Variants in FER observed in about 807,000 individuals in gnomAD.
FER encodes the protein tyrosine-protein kinase Fer.
FER carries 63 observed loss-of-function variants against 111.0 expected under a neutral mutation model. That is an observed-to-expected ratio of 0.57 (90% CI 0.46 to 0.70). The LOEUF (loss-of-function observed/expected upper bound fraction) is 0.70, where lower values mean the gene tolerates loss of function less well. FER is among the 30% of genes least tolerant of loss of function. FER has a pLI of 0.00. For synonymous variants in FER, 327 were observed against 313.9 expected (o/e 1.04, Z -0.44); for missense variants, 914 against 954.0 (o/e 0.96, Z 0.55).
intron 16 of FER, among the ~76,000 whole-genome samples, 177 bp downstream of exon 16, chr5:109,047,375 C>T (rs952003487): frequency 2.6e-5 from 4 of 152,164 alleles, no homozygotes; most frequent in Non-Finnish European, 5.9e-5. Flanking sequence ...TAACACTTTA[C>T]TATTTTCTAG....
Position 108,954,740 on chromosome 5 carries a change from G to A in FER, c.1341G>A (p.Met447Ile). 3 of 1,566,718 alleles carry A rather than the reference G, an allele frequency of 1.9e-6. No homozygotes were observed. The highest frequency in any genetic ancestry group is 2.3e-5 in the East Asian group (1 of 43,516). ...SALGSSALSD[M>I]ISISEKPLAE... ...AATATTTGTTTAAGCTTTCTGATAT[G>A]ATCTCCATCAGTGAGAAGCCTTTGG... Residue 447 changes from methionine to isoleucine, a missense_variant, in exon 12 of 20, where the codon ATG (methionine) becomes ATA (isoleucine). By Grantham distance (10) the Met-to-Ile change is conservative. This residue lies in a region of FER where 774 missense variants were observed against 782.6 expected (regional missense o/e 0.99). Coordinates refer to ENST00000281092, the MANE Select transcript of FER (RefSeq NM_005246.4).
intron 13 of FER, among the ~76,000 whole-genome samples, chr5:108,981,970 C>G (rs1762057119): frequency 6.6e-6 from 1 of 152,142 alleles, no homozygotes; most frequent in Admixed American, 6.6e-5. Context: ...TTAAGGACCA[C>G]TGACACTGGG....
chr5:108,979,584 T>C (rs530001326), intron 13 of FER, among the ~76,000 whole-genome samples: 21 of 152,254 alleles, frequency 1.4e-4, no homozygotes, highest in African/African-American at 5.1e-4. Context: ...TATTAAAATA[T>C]CCATTTGCTA....
chr5:109,014,903 C>T (rs552652975), intron 13 of FER: 18 of 152,292 alleles, frequency 1.2e-4, no homozygotes, highest in African/African-American at 3.6e-4. Flanking sequence ...TTCCCTGTAT[C>T]GTTCCAATTT....
chr5:108,916,099 A>G (rs1463543679), intron 10 of FER, among the ~76,000 whole-genome samples: 2 of 152,210 alleles, frequency 1.3e-5, no homozygotes, highest in African/African-American at 4.8e-5. Context: ...TTCATAGACA[A>G]AAGGCATTGA....
At chr5:108,987,890 T>C (rs1411173992) in intron 13 of FER, among the ~76,000 whole-genome samples, 5 of 152,290 alleles carry the variant, frequency 3.3e-5, no homozygotes, top group African/African-American at 1.2e-4. Context: ...GAGGGAATGC[T>C]TTCAACTTTT....
At position 109,107,216 on chromosome 5, in the gene FER, G is replaced by T. The variant is rs371212192; in HGVS notation, c.2048+6697G>T. ...TTACAATAAGTACATTTTGGATTCA[G>T]AATGTCAAAAAAGTGATCTTTTACA... On this transcript the variant is annotated intron_variant, in intron 17 of 19. Coordinates refer to ENST00000281092, the MANE Select transcript of FER (RefSeq NM_005246.4). 1.9e-4 allele frequency among the ~76,000 whole-genome samples: 29 copies of T among 152,216 alleles called. No individual in the cohort carries two copies. The South Asian group carries it at 5.2e-3, about 27-fold the overall frequency.
intron 9 of FER, among the ~76,000 whole-genome samples, chr5:108,889,262 T>G (rs1747651469): frequency 6.6e-6 from 1 of 151,882 alleles, no homozygotes; most frequent in Admixed American, 6.6e-5. Context: ...TACACTCCCA[T>G]GTTTATTGCA....
intron 16 of FER, chr5:109,051,190 C>A (rs1436525352): frequency 4.3e-5 from 30 of 699,594 alleles, no homozygotes; most frequent in Non-Finnish European, 7.7e-5. Context: ...TTTTCTAAGC[C>A]TCATGAATAA....
Position 108,832,914 on chromosome 5 carries a change from C to A in FER, c.352C>A (p.His118Asn). The change falls in exon 4 of 20, where the codon CAT becomes AAT. Residue 118 changes from histidine (H) to asparagine (N), a missense_variant. His to Asn is a moderately conservative substitution (Grantham distance 68). Coordinates refer to ENST00000281092, the MANE Select transcript of FER (RefSeq NM_005246.4). ...QQVKKSYIGV[H>N]QQIEAEMIKV... ...GGTGAAGAAAAGTTACATAGGTGTT[C>A]ATCAGCAGATAGAGGCAGAGATGAT... 1 of 1,597,654 alleles carries A rather than the reference C, an allele frequency of 6.3e-7. No individual in the cohort carries two copies. The highest frequency in any genetic ancestry group is 1.1e-5 in the South Asian group (1 of 87,558).
intron 2 of FER, among the ~76,000 whole-genome samples, chr5:108,776,656 CTG>C (rs1753531090): frequency 6.6e-6 from 1 of 152,064 alleles, no homozygotes; most frequent in Non-Finnish European, 1.5e-5. Flanking sequence ...TGTTTAAAAA[CTG>C]TGTATTTATA....
chr5:108,961,449 G>T (rs1188050617), intron 13 of FER, among the ~76,000 whole-genome samples: 1 of 152,028 alleles, frequency 6.6e-6, no homozygotes, highest in Non-Finnish European at 1.5e-5. Context: ...CTATTACATG[G>T]TTAATTATTG....
chr5:109,087,668 C>T (rs1456154241), intron 16 of FER, among the ~76,000 whole-genome samples: 1 of 147,830 alleles, frequency 6.8e-6, no homozygotes, highest in Non-Finnish European at 1.5e-5. Flanking sequence ...GTTTCCAATC[C>T]TCGGTGCACT....
intron 2 of FER, among the ~76,000 whole-genome samples, chr5:108,769,842 T>C (rs1221527290): frequency 1.3e-5 from 2 of 152,186 alleles, no homozygotes; most frequent in Non-Finnish European, 2.9e-5. Context: ...CACTTAGCTA[T>C]AGTGCTAGAA....
intron 5 of FER, among the ~76,000 whole-genome samples, chr5:108,850,767 C>T (rs1361814273): frequency 6.6e-6 from 1 of 151,994 alleles, no homozygotes; most frequent in Admixed American, 6.6e-5. Context: ...CGTTATTTTA[C>T]AGTATTCACA....
chr5:109,062,506 A>G (rs968622976), intron 16 of FER, among the ~76,000 whole-genome samples: 52 of 152,274 alleles, frequency 3.4e-4, no homozygotes, highest in African/African-American at 1.2e-3. Flanking sequence ...AGTCTGGGTG[A>G]CAGAGTGAGA....
At chr5:109,081,372 C>A (rs1042463379) in intron 16 of FER, among the ~76,000 whole-genome samples, 6 of 151,834 alleles carry the variant, frequency 4.0e-5, no homozygotes, top group Non-Finnish European at 8.8e-5. Context: ...ATCTTTTTCC[C>A]CAACTTAGAT....
intron 10 of FER, among the ~76,000 whole-genome samples, chr5:108,922,688 AT>A (rs1435810223): frequency 6.6e-6 from 1 of 152,192 alleles, no homozygotes; most frequent in African/African-American, 2.4e-5. Context: ...TTTAATGAAA[AT>A]ATAAACTTAT....
chr5:108,749,827 T>G (rs1750255425), intron 1 of FER, among the ~76,000 whole-genome samples: 1 of 152,206 alleles, frequency 6.6e-6, no homozygotes, highest in African/African-American at 2.4e-5. Flanking sequence ...GGATCTACTT[T>G]CTGAATACGC....
Sources: allele counts gnomAD v4.1 joint callset (sites outside exome capture counted in the v4.1 genomes callset), GRCh38; gene constraint gnomAD v4.1.1; regional missense constraint gnomAD v4.1.1; transcripts MANE v1.5; gene names NCBI Gene and HGNC (gene_info 2026-07-23, HGNC 2026-07-21).